PTPRE: variants seen among roughly 807,000 people sequenced by gnomAD.
PTPRE encodes protein tyrosine phosphatase receptor type E, also known as receptor-type tyrosine-protein phosphatase epsilon.
A neutral mutation model predicts 102.0 loss-of-function variants in PTPRE; 51 were observed. The ratio of observed to expected loss-of-function variants is 0.50; its 90% confidence interval spans 0.40 to 0.63. PTPRE has a LOEUF of 0.63. Ranked by LOEUF, PTPRE falls within the 30% of genes least tolerant of loss-of-function variation. PTPRE has a pLI of 0.00. For missense variants in PTPRE, 752 were observed against 915.1 expected (o/e 0.82, Z 2.30); for synonymous variants, 345 against 348.2 (o/e 0.99, Z 0.10).
At chr10:127,955,723 G>A (rs972254697) in intron 1 of PTPRE, among the ~76,000 whole-genome samples, 9 of 152,180 alleles carry the variant, frequency 5.9e-5, no homozygotes, top group Non-Finnish European at 4.4e-5. Flanking sequence ...AAAACTACCT[G>A]AGACTGGGTA....
chr10:127,988,529 TC>T (rs879300381), intron 2 of PTPRE, among the ~76,000 whole-genome samples: 2 of 152,164 alleles, frequency 1.3e-5, no homozygotes, highest in Non-Finnish European at 2.9e-5. Context: ...GGTCTCGAAC[TC>T]CTGACCTCAG....
chr10:128,040,740 G>T, intron 2 of PTPRE, 135 bp from the exon 3 acceptor site: 1 of 648,532 alleles, frequency 1.5e-6, no homozygotes. Context: ...ATCCGTGAAA[G>T]TGACAGGCAA....
At chr10:128,003,365 T>G (rs1290823465) in intron 2 of PTPRE, among the ~76,000 whole-genome samples, 1 of 152,202 alleles carries the variant, frequency 6.6e-6, no homozygotes, top group Non-Finnish European at 1.5e-5. Context: ...TCAGCTGTAC[T>G]TTGGGAAAAG....
chr10:127,910,427 G>A lies in PTPRE; in HGVS notation c.-31+3118G>A, dbSNP rs186409288. Among the ~76,000 whole-genome samples the A allele has an allele frequency of 3.3e-5, 5 of 152,274 alleles. No individual in the cohort carries two copies. In the East Asian group the frequency reaches 5.8e-4, roughly 18 times the overall value. On this transcript the variant is annotated intron_variant, in intron 1 of 20. Transcript: ENST00000254667. ...TCTCTTACTCTTGGTTCCATAGAACGTTATTTCTGCCTGTCCTAAAGCACT... is the reference window on the plus strand; with the variant it reads ...TCTCTTACTCTTGGTTCCATAGAACATTATTTCTGCCTGTCCTAAAGCACT...
chr10:127,953,008 G>A (rs1235566160), intron 1 of PTPRE, among the ~76,000 whole-genome samples: 1 of 152,180 alleles, frequency 6.6e-6, no homozygotes, highest in Admixed American at 6.6e-5. Context: ...CTGAAGTGAA[G>A]GATAAGTTGT....
intron 1 of PTPRE, among the ~76,000 whole-genome samples, chr10:127,948,486 T>C (rs895240895): frequency 3.9e-5 from 6 of 152,198 alleles, no homozygotes; most frequent in African/African-American, 1.4e-4. Flanking sequence ...TTTACTGCCC[T>C]AAGCATCCTC....
intron 3 of PTPRE, among the ~76,000 whole-genome samples, chr10:128,046,622 G>C (rs1267548717): frequency 6.6e-6 from 1 of 152,148 alleles, no homozygotes; most frequent in Non-Finnish European, 1.5e-5. Context: ...TGAGGGGGCT[G>C]TGTGGCCAGC....
At chr10:127,961,309 G>T (rs1264459830) in intron 1 of PTPRE, among the ~76,000 whole-genome samples, 4 of 152,134 alleles carry the variant, frequency 2.6e-5, no homozygotes, top group Non-Finnish European at 5.9e-5. Flanking sequence ...TTGGAGCAGG[G>T]TTGGCCGGAG....
intron 1 of PTPRE, among the ~76,000 whole-genome samples, chr10:127,909,038 G>T (rs959362143): frequency 6.6e-6 from 1 of 152,200 alleles, no homozygotes; most frequent in Non-Finnish European, 1.5e-5. Flanking sequence ...AGGACAATGC[G>T]GAAAGTCACA....
At chr10:128,059,671 G>A (rs61732920) in intron 7 of PTPRE, among the ~76,000 whole-genome samples, 2,244 of 152,256 alleles carry the variant, frequency 0.015, 51 homozygotes, top group African/African-American at 0.051. Context: ...CAGCCTGGCC[G>A]AGCCGGACGT....
At chr10:128,057,255 G>A (rs1001398201) in intron 7 of PTPRE, among the ~76,000 whole-genome samples, 2 of 151,634 alleles carry the variant, frequency 1.3e-5, no homozygotes, top group South Asian at 2.1e-4. Context: ...GCAGGGGGGC[G>A]GGGCGTGCAG....
intron 7 of PTPRE, among the ~76,000 whole-genome samples, chr10:128,060,263 A>G (rs955801446): frequency 6.7e-6 from 1 of 150,208 alleles, no homozygotes; most frequent in African/African-American, 2.5e-5. Context: ...CACACACACA[A>G]TACACACACA....
At position 128,068,245 on chromosome 10, in the gene PTPRE, G is replaced by A. The variant is rs370133452; in HGVS notation, c.966G>A (p.Thr322=). ...GMLKFLKKVK[T]LNPVHAGPIV... The stretch of plus-strand genomic sequence containing the variant: ...TGAAGTTCCTCAAGAAAGTAAAGAC[G>A]CTCAACCCCGTGCACGCTGGGCCCA... The change falls in exon 12 of 21, where the codon ACG becomes ACA. Residue 322 remains threonine (T), a synonymous_variant. Transcript: ENST00000254667. 1.7e-5 allele frequency: 28 copies of A among 1,614,034 alleles called. No individual in the cohort carries two copies. The highest frequency in any genetic ancestry group is 9.3e-5 in the African/African-American group (7 of 74,930).
At chr10:127,967,886 T>A (rs998258412) in intron 1 of PTPRE, among the ~76,000 whole-genome samples, 3 of 152,222 alleles carry the variant, frequency 2.0e-5, no homozygotes, top group Non-Finnish European at 4.4e-5. Flanking sequence ...TTCTATAAGC[T>A]GGATCATAGA....
At chr10:128,062,142 C>T (rs1325090961) in intron 9 of PTPRE, among the ~76,000 whole-genome samples, 1 of 152,214 alleles carries the variant, frequency 6.6e-6, no homozygotes, top group Non-Finnish European at 1.5e-5. Context: ...GTGTTGAGTA[C>T]TGAATCCAGC....
At chr10:128,014,793 A>G (rs1359015892) in intron 2 of PTPRE, among the ~76,000 whole-genome samples, 1 of 152,030 alleles carries the variant, frequency 6.6e-6, no homozygotes, top group East Asian at 1.9e-4. Context: ...AGCCCTCTGC[A>G]TTTGACGAGC....
intron 2 of PTPRE, chr10:127,987,244 A>T: frequency 1.1e-6 from 1 of 936,386 alleles, no homozygotes; most frequent in Non-Finnish European, 1.4e-6. Flanking sequence ...AGGAACACAG[A>T]TTTCCTATAT....
At chr10:127,912,978 A>C (rs751044016) in intron 1 of PTPRE, among the ~76,000 whole-genome samples, 1 of 152,248 alleles carries the variant, frequency 6.6e-6, no homozygotes, top group Non-Finnish European at 1.5e-5. Flanking sequence ...AAGGGAGGTG[A>C]CACAGCCTGG....
intron 3 of PTPRE, among the ~76,000 whole-genome samples, chr10:128,044,127 C>A (rs566114774): frequency 6.6e-6 from 1 of 152,188 alleles, no homozygotes; most frequent in African/African-American, 2.4e-5. Flanking sequence ...AGGAAAGATA[C>A]GCTTTGAAAT....
Sources: gnomAD v4.1 joint callset for allele counts (sites outside exome capture counted in the v4.1 genomes callset) on GRCh38, gnomAD v4.1.1 for gene constraint, MANE v1.5 for transcripts, NCBI Gene and HGNC (gene_info 2026-07-23, HGNC 2026-07-21) for gene names.